Variants in KCNH7 observed in about 807,000 individuals in gnomAD.
KCNH7 encodes the protein voltage-gated inwardly rectifying potassium channel KCNH7.
In KCNH7, 49 loss-of-function variants were observed where a neutral mutation model predicts 120.8. That is an observed-to-expected ratio of 0.41 (90% CI 0.32 to 0.51). The LOEUF (loss-of-function observed/expected upper bound fraction) is 0.51. Among genes scored for constraint, KCNH7 ranks in the 20% least tolerant of loss-of-function variants. The pLI, the probability that KCNH7 is intolerant of heterozygous loss-of-function variation, is 0.38. For synonymous variants in KCNH7, 547 were observed against 516.1 expected (o/e 1.06, Z -0.81); for missense variants, 1,097 against 1,446.6 (o/e 0.76, Z 3.92).
chr2:162,820,209 T>TTGTGTGTGTGTGTGTGTGTGTGTGTGTG (rs71410049), intron 2 of KCNH7, among the ~76,000 whole-genome samples: 7 of 99,734 alleles, frequency 7.0e-5, no homozygotes, highest in African/African-American at 1.1e-4. Flanking sequence ...CCGGCTAATT[T>TTGTGTGTGTGTGTGTGTGTGTGTGTGTG]TGTGTGTGTG....
At chr2:162,790,177 A>G (rs967247583) in intron 2 of KCNH7, among the ~76,000 whole-genome samples, 1 of 151,972 alleles carries the variant, frequency 6.6e-6, no homozygotes, top group Non-Finnish European at 1.5e-5. Flanking sequence ...CAGGAATATA[A>G]AGAATTACAG....
rs540486416 is a variant in KCNH7 at position 162,640,141 on chromosome 2, A to G, written c.308-103061T>C. On this transcript the variant is annotated intron_variant, in intron 2 of 15. Transcript: ENST00000332142. ...TCTCCCCAAATTGCTATACCGGTTTAACACAATTCTTATCAAGATCCCAGC... is the reference window on the plus strand; with the variant it reads ...TCTCCCCAAATTGCTATACCGGTTTGACACAATTCTTATCAAGATCCCAGC... Among the ~76,000 whole-genome samples the G allele has an allele frequency of 3.9e-5, 6 of 152,306 alleles. No homozygotes were observed. In the South Asian group the frequency reaches 1.0e-3, roughly 26 times the overall value.
At chr2:162,568,592 C>A (rs1693342556) in intron 2 of KCNH7, among the ~76,000 whole-genome samples, 1 of 151,658 alleles carries the variant, frequency 6.6e-6, no homozygotes, top group South Asian at 2.1e-4. Flanking sequence ...ACATTTTTTT[C>A]TTTGTTAAAC....
intron 2 of KCNH7, among the ~76,000 whole-genome samples, chr2:162,774,485 T>C (rs949862318): frequency 4.6e-5 from 7 of 152,136 alleles, no homozygotes; most frequent in Non-Finnish European, 8.8e-5. Context: ...ATTTTACAAC[T>C]CTTATCCTGT....
At chr2:162,539,672 T>C (rs1396886682) in intron 2 of KCNH7, among the ~76,000 whole-genome samples, 1 of 152,092 alleles carries the variant, frequency 6.6e-6, no homozygotes, top group Non-Finnish European at 1.5e-5. Flanking sequence ...CTCTAAAGCA[T>C]ATTAAATAAA....
At chr2:162,503,180 C>T (rs1332808685) in intron 6 of KCNH7, among the ~76,000 whole-genome samples, 1 of 152,000 alleles carries the variant, frequency 6.6e-6, no homozygotes, top group African/African-American at 2.4e-5. Context: ...ACTTGCAGGG[C>T]CCTGATCCTA....
chr2:162,418,295 T>A (rs1687598125), intron 9 of KCNH7, among the ~76,000 whole-genome samples: 1 of 152,118 alleles, frequency 6.6e-6, no homozygotes, highest in Non-Finnish European at 1.5e-5. Flanking sequence ...TGGAGGATTA[T>A]CTGGATATGA....
chr2:162,765,086 A>T (rs1559122504), intron 2 of KCNH7, among the ~76,000 whole-genome samples: 1 of 152,188 alleles, frequency 6.6e-6, no homozygotes, highest in East Asian at 1.9e-4. Context: ...GAGGAAAAAG[A>T]ATACAAGAAG....
Position 162,810,210 on chromosome 2 carries a change from C to T in KCNH7, c.307+26327G>A, listed in dbSNP as rs1421799843. On this transcript the variant is annotated intron_variant, in intron 2 of 15. Coordinates refer to ENST00000332142, the MANE Select transcript of KCNH7 (RefSeq NM_033272.4). ...GATTACAGGCGTGAGCCACCGCGCC[C>T]GGCCTCACCTATTCTTAATATAATA... is the stretch of plus-strand genomic sequence containing the variant. Among the ~76,000 whole-genome samples the T allele has an allele frequency of 4.0e-4, 8 of 20,200 alleles. 4 individuals are homozygous for T. The highest frequency in any genetic ancestry group is 1.1e-3 in the Non-Finnish European group (8 of 7,044). The allele number at this position is 20,200 out of a possible 152,430, so 13.3% of individuals were successfully genotyped here.
At chr2:162,807,256 C>CAAAAAAAAAAAAAAAA (rs745345993) in intron 2 of KCNH7, among the ~76,000 whole-genome samples, 5 of 15,620 alleles carry the variant, frequency 3.2e-4, no homozygotes, top group African/African-American at 5.6e-4. Context: ...ACTAAAAATA[C>CAAAAAAAAAAAAAAAA]AAAAAAAAAA....
chr2:162,829,805 T>G (rs1685409289), intron 2 of KCNH7, among the ~76,000 whole-genome samples: 1 of 151,756 alleles, frequency 6.6e-6, no homozygotes, highest in Non-Finnish European at 1.5e-5. Context: ...AGCATTACAC[T>G]TTTCCTATAA....
chr2:162,830,164 G>T lies in KCNH7; in HGVS notation c.307+6373C>A, dbSNP rs143399339. ...AAGTCTTTTGATCTGTCTTTGAAAG[G>T]ACGATGATGGTTTCTTTCGGGTGAG... is the stretch of plus-strand genomic sequence containing the variant. On this transcript the variant is annotated intron_variant, in intron 2 of 15. Coordinates refer to ENST00000332142, the MANE Select transcript of KCNH7 (RefSeq NM_033272.4). Among the ~76,000 whole-genome samples, 6 of 152,282 alleles carry T rather than the reference G, an allele frequency of 3.9e-5. No individual in the cohort carries two copies. The East Asian group carries it at 1.2e-3, about 29-fold the overall frequency.
chr2:162,533,821 G>C lies in KCNH7; in HGVS notation c.463+3104C>G, dbSNP rs2105819333. On this transcript the variant is annotated intron_variant, in intron 3 of 15. Transcript: ENST00000332142. ...GAAGACAGCATAATAATAAGGCAGA[G>C]TTTTAAAAGTAGATATCAACTTTTG... 2.0e-5 allele frequency among the ~76,000 whole-genome samples: 3 copies of C among 151,594 alleles called. 1 individual carries two copies. In the South Asian group the frequency reaches 6.2e-4, roughly 31 times the overall value.
At chr2:162,732,525 G>T (rs967583619) in intron 2 of KCNH7, among the ~76,000 whole-genome samples, 7 of 152,030 alleles carry the variant, frequency 4.6e-5, no homozygotes, top group African/African-American at 1.4e-4. Context: ...TTAGGGATCT[G>T]GTAGGTAGAA....
chr2:162,526,406 C>T (rs903375907), intron 3 of KCNH7, among the ~76,000 whole-genome samples: 5 of 151,842 alleles, frequency 3.3e-5, no homozygotes, highest in Admixed American at 1.3e-4. Context: ...ACGGGAATTT[C>T]CTCGTCCTAA....
At chr2:162,808,713 C>A (rs1169246863) in intron 2 of KCNH7, among the ~76,000 whole-genome samples, 1 of 151,484 alleles carries the variant, frequency 6.6e-6, no homozygotes, top group Non-Finnish European at 1.5e-5. Context: ...GCATATGCAA[C>A]CTGTGTGTGC....
At chr2:162,785,793 G>A (rs1032526713) in intron 2 of KCNH7, among the ~76,000 whole-genome samples, 1 of 151,904 alleles carries the variant, frequency 6.6e-6, no homozygotes, top group Non-Finnish European at 1.5e-5. Context: ...TGGTTTTTAG[G>A]GGCAACTTTT....
At chr2:162,372,208 TA>T in intron 15 of KCNH7, 113 bp from the exon 16 acceptor site, 1 of 844,694 alleles carries the variant, frequency 1.2e-6, no homozygotes, top group Non-Finnish European at 1.8e-6. Flanking sequence ...TATATTTGAT[TA>T]GTGATATTAG....
chr2:162,503,978 T>A (rs531135124), intron 6 of KCNH7, among the ~76,000 whole-genome samples: 6 of 152,168 alleles, frequency 3.9e-5, no homozygotes, highest in African/African-American at 1.2e-4. Flanking sequence ...CTTTTCATCA[T>A]CTCAGACAGC....
Sources: gnomAD v4.1 joint callset for allele counts (sites outside exome capture counted in the v4.1 genomes callset) on GRCh38, gnomAD v4.1.1 for gene constraint, MANE v1.5 for transcripts, NCBI Gene and HGNC (gene_info 2026-07-23, HGNC 2026-07-21) for gene names.